The following CHAF1A variants were observed in gnomAD, a reference collection of about 807,000 sequenced individuals.
CHAF1A encodes chromatin assembly factor 1 subunit A.
Under a neutral mutation model 93.2 loss-of-function variants are expected in CHAF1A, and 5 were observed. The ratio of observed to expected loss-of-function variants is 0.05; its 90% CI spans 0.03 to 0.11. The LOEUF is 0.11. Among genes scored for constraint, CHAF1A ranks in the 10% least tolerant of loss-of-function variants. The pLI is 1.00. For missense variants in CHAF1A, 1,102 were observed against 1,259.9 expected (o/e 0.87, Z 1.90); for synonymous variants, 504 against 510.3 (o/e 0.99, Z 0.17).
intron 13 of CHAF1A, among the ~76,000 whole-genome samples, chr19:4,440,793 A>G (rs1187285114): frequency 6.6e-6 from 1 of 151,750 alleles, no homozygotes; most frequent in Non-Finnish European, 1.5e-5. Context: ...AGGCACTTGT[A>G]ACCCAGTGGT....
chr19:4,424,620 A>G lies in CHAF1A; in HGVS notation c.1377+746A>G, dbSNP rs146710653. On this transcript the variant is annotated intron_variant, in intron 7 of 14. Coordinates refer to ENST00000301280, the MANE Select transcript of CHAF1A (RefSeq NM_005483.3). ...GCTGGGACTACAGGCATGTGCCACC[A>G]TGCCTGGCTAATTTTTTATTTTTAT... 5.0e-3 allele frequency among the ~76,000 whole-genome samples: 759 copies of G among 151,924 alleles called. 10 individuals carry two copies. The highest frequency in any genetic ancestry group is 0.017 in the African/African-American group (716 of 41,412).
Position 4,442,941 on chromosome 19 carries a change from T to A in CHAF1A, c.2787T>A (p.Cys929Ter). Residue 929 changes from cysteine (C) to a stop codon, truncating the protein, a stop_gained, in exon 15 of 15, where the codon TGT (cysteine) becomes TGA (stop). Transcript: ENST00000301280. LOFTEE classifies it low-confidence loss of function (END_TRUNC). The part of the protein sequence containing the change: ...VPDAAEVQAP[C>*]GAASGAGGGV... Reference sequence around the variant, plus strand: ...GCCCTGCAGAGGTCCAAGCCCCGTGTGGAGCCGCTTCCGGAGCTGGGGGTG... The same window carrying A: ...GCCCTGCAGAGGTCCAAGCCCCGTGAGGAGCCGCTTCCGGAGCTGGGGGTG... 1.3e-6 allele frequency: 2 copies of A among 1,599,358 alleles called. No individual in the cohort carries two copies. The highest frequency in any genetic ancestry group is 1.7e-6 in the Non-Finnish European group (2 of 1,173,860).
At chr19:4,403,329 C>T (rs923393975) in intron 1 of CHAF1A, among the ~76,000 whole-genome samples, 1 of 152,314 alleles carries the variant, frequency 6.6e-6, no homozygotes, top group South Asian at 2.1e-4. Flanking sequence ...TTGCTCCTTC[C>T]TGATATGCAC....
chr19:4,438,730 T>A (rs991356615), intron 13 of CHAF1A, among the ~76,000 whole-genome samples: 9 of 151,994 alleles, frequency 5.9e-5, no homozygotes, highest in African/African-American at 2.2e-4. Flanking sequence ...ATGCCTGTAA[T>A]CCCAGCACTT....
rs569048258 is a variant in CHAF1A, at chr19:4,414,764, T to C, written c.961-3256T>C. 1.2e-3 allele frequency among the ~76,000 whole-genome samples: 176 copies of C among 152,304 alleles called. 1 individual carries two copies. Among genetic ancestry groups the C allele is most frequent in the African/African-American group, 4.1e-3 (169 of 41,572 alleles). ...ATGATTGTTCCCTTGAGCTTCCTTC[T>C]ACAAGTGGCCTTGGGCTGTTAAGGA... On this transcript the variant is annotated intron_variant, in intron 3 of 14. Transcript: ENST00000301280.
intron 2 of CHAF1A, among the ~76,000 whole-genome samples, chr19:4,408,207 T>C (rs2145065763): frequency 6.6e-6 from 1 of 150,728 alleles, no homozygotes; most frequent in East Asian, 2.0e-4. Context: ...TTTTTTTTTT[T>C]TCTTTTGAGA....
At chr19:4,419,811 A>G (rs867144053) in intron 4 of CHAF1A, among the ~76,000 whole-genome samples, 2 of 152,200 alleles carry the variant, frequency 1.3e-5, no homozygotes, top group Admixed American at 6.6e-5. Context: ...AGTCCCGCAC[A>G]CCGGGTTGGG....
rs1035698602 is a variant in CHAF1A at position 4,428,990 on chromosome 19, T to C, written c.1604+100T>C. 27 of 958,448 alleles carry C rather than the reference T, an allele frequency of 2.8e-5. No homozygotes were observed. In the African/African-American group the frequency reaches 3.3e-4, roughly 12 times the overall value. The allele number at this position is 958,448 out of a possible 1,614,324, so 59.4% of individuals were successfully genotyped here. Reference sequence around the variant, plus strand: ...GGGTGGGAGCTCTGGGTCCTTCTGTTGCTTGCTTCCTAGTGCCCTCGGGCC... The same window carrying C: ...GGGTGGGAGCTCTGGGTCCTTCTGTCGCTTGCTTCCTAGTGCCCTCGGGCC... On this transcript the variant is annotated intron_variant, in intron 8 of 14. Transcript: ENST00000301280.
intron 4 of CHAF1A, among the ~76,000 whole-genome samples, chr19:4,418,822 G>T (rs1973941001): frequency 6.6e-6 from 1 of 151,984 alleles, no homozygotes; most frequent in African/African-American, 2.4e-5. Context: ...CTATTCTGTG[G>T]GGGGCATCAC....
Position 4,409,591 on chromosome 19 carries a change from C to T in CHAF1A, c.792C>T (p.Asn264=). The change falls in exon 3 of 15, where the codon AAC becomes AAT. Residue 264 remains asparagine, a synonymous_variant. Transcript: ENST00000301280. The stretch of plus-strand genomic sequence containing the variant: ...TTCCAGCCACACCCCAAGGCAAGAA[C>T]ATGACCCCTGAGAGTGAGGTGCTGG... ...KSLPATPQGK[N]MTPESEVLES... is the part of the protein sequence containing the mutation. 1 of 1,614,168 alleles carries T rather than the reference C, an allele frequency of 6.2e-7. No individual in the cohort carries two copies. Among genetic ancestry groups the T allele is most frequent in the African/African-American group, 1.3e-5 (1 of 75,036 alleles).
rs1304296719 is a variant in CHAF1A at position 4,409,298 on chromosome 19, G to A, written c.499G>A (p.Asp167Asn). 3 of 1,614,118 alleles carry A rather than the reference G, an allele frequency of 1.9e-6. No individual in the cohort carries two copies. The highest frequency in any genetic ancestry group is 1.3e-5 in the African/African-American group (1 of 75,030). ...GGGGTTGTTGAAGGCCATTCAGAACGACAAGTTGGCATTTCCTGGAGAGAC... is the reference window on the plus strand; with the variant it reads ...GGGGTTGTTGAAGGCCATTCAGAACAACAAGTTGGCATTTCCTGGAGAGAC... ...QQGLLKAIQN[D>N]KLAFPGETLS... Residue 167 changes from aspartate to asparagine, a missense_variant, in exon 3 of 15, where the codon GAC becomes AAC. Around this residue, in one of 6 missense-constraint regions of CHAF1A, gnomAD observed 379 missense variants for 365.7 expected, o/e 1.04. Transcript: ENST00000301280.
chr19:4,418,436 G>A, intron 4 of CHAF1A, among the ~76,000 whole-genome samples: 1 of 117,320 alleles, frequency 8.5e-6, no homozygotes, highest in South Asian at 2.8e-4. Context: ...TTTTTTTTGA[G>A]ACAGAGTCTC....
In CHAF1A at chr19:4,426,951, G is replaced by T. The variant is rs1050985787; in HGVS notation, c.1378-1713G>T. Among the ~76,000 whole-genome samples the T allele has an allele frequency of 2.0e-5, 3 of 151,490 alleles. No individual in the cohort carries two copies. The South Asian group carries it at 6.2e-4, about 32-fold the overall frequency. On this transcript the variant is annotated intron_variant, in intron 7 of 14. Transcript: ENST00000301280. Reference sequence around the variant, plus strand: ...TACTAAAAATACAAAAATTAGCCGGGCGTGGTGGTAGGCGTCTGTAATCCC... The same window carrying T: ...TACTAAAAATACAAAAATTAGCCGGTCGTGGTGGTAGGCGTCTGTAATCCC...
chr19:4,446,944 T>G (rs190331849), downstream of CHAF1A: 1,657 of 1,609,880 alleles, frequency 1.0e-3, 12 homozygotes, highest in African/African-American at 0.02. Flanking sequence ...TGGGCGTCAC[T>G]GGGGGCCCCT....
At chr19:4,446,525 C>T (rs1225604666), downstream of CHAF1A, 3 of 1,611,424 alleles carry the variant, frequency 1.9e-6, no homozygotes, top group South Asian at 1.1e-5. Context: ...CGCTTGATCT[C>T]CTCTGCTGTG....
At chr19:4,418,931 C>T (rs1342332945) in intron 4 of CHAF1A, among the ~76,000 whole-genome samples, 4 of 151,740 alleles carry the variant, frequency 2.6e-5, no homozygotes, top group Admixed American at 6.6e-5. Context: ...GGCACGATCT[C>T]GGCTCACTGC....
At chr19:4,410,299 T>C (rs1381852689) in intron 3 of CHAF1A, among the ~76,000 whole-genome samples, 1 of 151,948 alleles carries the variant, frequency 6.6e-6, no homozygotes, top group East Asian at 1.9e-4. Context: ...TCCCAGCACT[T>C]TGAGAGGCCG....
intron 13 of CHAF1A, among the ~76,000 whole-genome samples, chr19:4,441,368 G>C (rs1024861467): frequency 2.0e-5 from 3 of 152,046 alleles, no homozygotes; most frequent in African/African-American, 7.2e-5. Context: ...CCAGGACTTT[G>C]GGAGGCTGAG....
At chr19:4,408,118 T>A (rs951752244) in intron 2 of CHAF1A, among the ~76,000 whole-genome samples, 1 of 149,608 alleles carries the variant, frequency 6.7e-6, no homozygotes, top group East Asian at 2.1e-4. Context: ...GCGATCCTCC[T>A]GCCTCAGCCT....
Sources: allele counts gnomAD v4.1 joint callset (sites outside exome capture counted in the v4.1 genomes callset), GRCh38; gene constraint gnomAD v4.1.1; regional missense constraint gnomAD v4.1.1; transcripts MANE v1.5; gene names NCBI Gene and HGNC (gene_info 2026-07-23, HGNC 2026-07-21).